The following CABCOCO1 variants were observed in gnomAD, a reference collection of about 807,000 sequenced individuals.
The protein encoded by CABCOCO1 is ciliary-associated calcium-binding coiled-coil protein 1.
CABCOCO1 carries 28 observed loss-of-function variants against 35.7 expected under a neutral mutation model. The ratio of observed to expected loss-of-function variants is 0.78; its 90% CI spans 0.58 to 1.07. The LOEUF (loss-of-function observed/expected upper bound fraction) is 1.07. CABCOCO1 is among the 50% of genes least tolerant of loss of function. CABCOCO1 has a pLI of 0.00. For missense variants in CABCOCO1, 326 were observed against 309.2 expected, an observed-to-expected ratio of 1.05 and a Z score of -0.41; for synonymous variants, 95 against 100.1, an observed-to-expected ratio of 0.95 and a Z score of 0.30.
chr10:61,695,417 A>G (rs896846276), intron 5 of CABCOCO1, among the ~76,000 whole-genome samples: 5 of 152,004 alleles, frequency 3.3e-5, no homozygotes, highest in African/African-American at 1.2e-4. Context: ...TTCTAGAATG[A>G]GAAGATAGAA....
intron 5 of CABCOCO1, among the ~76,000 whole-genome samples, chr10:61,691,917 A>G (rs569825009): frequency 6.6e-6 from 1 of 152,048 alleles, no homozygotes; most frequent in Non-Finnish European, 1.5e-5. Context: ...GGTTGGTTTC[A>G]AGTCTTTGCT....
intron 2 of CABCOCO1, among the ~76,000 whole-genome samples, chr10:61,677,494 C>G (rs1839550779): frequency 6.6e-6 from 1 of 152,098 alleles, no homozygotes; most frequent in South Asian, 2.1e-4. Flanking sequence ...AATCCTTTTT[C>G]AGTTATGTTC....
At chr10:61,754,123 T>C (rs551206286) in intron 5 of CABCOCO1, among the ~76,000 whole-genome samples, 1 of 152,256 alleles carries the variant, frequency 6.6e-6, no homozygotes, top group South Asian at 2.1e-4. Context: ...AGCATTTTCA[T>C]CCACATTATC....
intron 1 of CABCOCO1, among the ~76,000 whole-genome samples, chr10:61,671,108 C>T (rs536546055): frequency 2.0e-5 from 3 of 152,214 alleles, no homozygotes; most frequent in African/African-American, 7.2e-5. Flanking sequence ...GGGCAGGTCA[C>T]GAGGTCAGGA....
intron 5 of CABCOCO1, among the ~76,000 whole-genome samples, chr10:61,698,671 C>T (rs1042575074): frequency 5.3e-5 from 8 of 152,040 alleles, no homozygotes; most frequent in African/African-American, 1.9e-4. Context: ...AACACTTTTT[C>T]CTTCCTTATT....
At chr10:61,706,741 G>T (rs1482980785) in intron 5 of CABCOCO1, among the ~76,000 whole-genome samples, 1 of 152,078 alleles carries the variant, frequency 6.6e-6, no homozygotes, top group Admixed American at 6.6e-5. Context: ...GTGCCTGGGT[G>T]GGAGAAAGCT....
intron 5 of CABCOCO1, among the ~76,000 whole-genome samples, chr10:61,747,670 C>A (rs577889419): frequency 6.6e-6 from 1 of 152,292 alleles, no homozygotes; most frequent in East Asian, 1.9e-4. Flanking sequence ...GTTTTGATTA[C>A]TTAAACAATG....
chr10:61,715,554 T>G (rs1321165021), intron 5 of CABCOCO1, among the ~76,000 whole-genome samples: 1 of 152,170 alleles, frequency 6.6e-6, no homozygotes, highest in East Asian at 1.9e-4. Context: ...ATCCTGTCAT[T>G]GTGATATTAG....
chr10:61,724,152 A>G (rs1272863836), intron 5 of CABCOCO1, among the ~76,000 whole-genome samples: 1 of 152,228 alleles, frequency 6.6e-6, no homozygotes, highest in African/African-American at 2.4e-5. Context: ...CCTGAAAAAA[A>G]TAAAGGAAGA....
intron 5 of CABCOCO1, among the ~76,000 whole-genome samples, chr10:61,703,520 C>T (rs11813929): frequency 0.015 from 2,356 of 152,140 alleles, 36 homozygotes; most frequent in East Asian, 0.046. Context: ...ATAAATATAA[C>T]ATACTAATAT....
chr10:61,757,229 C>T (rs1041370423), intron 5 of CABCOCO1, among the ~76,000 whole-genome samples: 1 of 151,944 alleles, frequency 6.6e-6, no homozygotes, highest in Non-Finnish European at 1.5e-5. Context: ...TTTCCTTAAA[C>T]TTGCTTTTTA....
At chr10:61,759,044 G>A (rs924154532) in intron 5 of CABCOCO1, among the ~76,000 whole-genome samples, 14 of 151,274 alleles carry the variant, frequency 9.3e-5, no homozygotes, top group Non-Finnish European at 1.3e-4. Context: ...TAATTATTTC[G>A]TGAATTTATG....
chr10:61,680,677 TGTTATACATGTATAACATA>T (rs1839742837), intron 2 of CABCOCO1, among the ~76,000 whole-genome samples: 1 of 82,418 alleles, frequency 1.2e-5, no homozygotes, highest in Admixed American at 1.4e-4. Flanking sequence ...ATAACATATA[TGTTATACATGTATAACATA>T]TATATGTTAT....
chr10:61,724,249 T>C lies in CABCOCO1; in HGVS notation c.552+33628T>C, dbSNP rs950065452. Among the ~76,000 whole-genome samples, 49 of 152,290 alleles carry C rather than the reference T, an allele frequency of 3.2e-4. 2 individuals are homozygous for C. The highest frequency in any genetic ancestry group is 2.4e-3 in the Admixed American group (37 of 15,300). On this transcript the variant is annotated intron_variant, in intron 5 of 7. Coordinates refer to ENST00000648843, the MANE Select transcript of CABCOCO1 (RefSeq NM_001366906.2). ...GCCCTTTCTTAATGTTTAAATCCAA[T>C]GTGATGCCAATCAAAACCCTAACAA... is the stretch of plus-strand genomic sequence containing the variant.
intron 5 of CABCOCO1, among the ~76,000 whole-genome samples, chr10:61,691,990 A>T (rs1350872474): frequency 1.3e-5 from 2 of 152,072 alleles, no homozygotes; most frequent in Non-Finnish European, 2.9e-5. Flanking sequence ...ATGATTTATA[A>T]TCCTTTGGGT....
At chr10:61,675,238 G>A (rs531666466) in intron 2 of CABCOCO1, among the ~76,000 whole-genome samples, 16 of 152,082 alleles carry the variant, frequency 1.1e-4, no homozygotes, top group South Asian at 2.1e-4. Flanking sequence ...TCCAGCTCCC[G>A]TTATTCCCAG....
chr10:61,674,485 A>AT (rs1839450143), intron 2 of CABCOCO1, among the ~76,000 whole-genome samples: 1 of 152,190 alleles, frequency 6.6e-6, no homozygotes, highest in Admixed American at 6.5e-5. Context: ...GATTCTTTAC[A>AT]TGATTTTCGT....
At chr10:61,727,816 T>C (rs1215616826) in intron 5 of CABCOCO1, among the ~76,000 whole-genome samples, 1 of 152,192 alleles carries the variant, frequency 6.6e-6, no homozygotes, top group African/African-American at 2.4e-5. Flanking sequence ...CTGGAACAAT[T>C]AGATGTTTGA....
chr10:61,765,852 G>A, intron 7 of CABCOCO1, 87 bp from the exon 8 acceptor site: 1 of 1,212,294 alleles, frequency 8.2e-7, no homozygotes, highest in Admixed American at 1.9e-5. Context: ...TCTGTCTTTA[G>A]GCACTATAGT....
Sources: gnomAD v4.1 joint callset for allele counts (sites outside exome capture counted in the v4.1 genomes callset) on GRCh38, gnomAD v4.1.1 for gene constraint, MANE v1.5 for transcripts, NCBI Gene and HGNC (gene_info 2026-07-23, HGNC 2026-07-21) for gene names.